Variants in NT5DC1 observed in about 807,000 individuals in gnomAD.
NT5DC1 encodes the protein 5'-nucleotidase domain containing 1, also known as 5'-nucleotidase domain-containing protein 1.
Under a neutral mutation model 59.4 loss-of-function variants are expected in NT5DC1, and 42 were observed. The ratio of observed to expected loss-of-function variants is 0.71; its 90% CI spans 0.55 to 0.92. The LOEUF is 0.92. Among genes scored for constraint, NT5DC1 ranks in the 40% least tolerant of loss-of-function variants. The probability of loss-of-function intolerance (pLI) is 0.00; values close to 1 mark genes in which losing one functional copy is unlikely to be tolerated. For synonymous variants in NT5DC1, 172 were observed against 188.1 expected (o/e 0.91, Z 0.70); for missense variants, 501 against 537.1 (o/e 0.93, Z 0.66).
intron 4 of NT5DC1, among the ~76,000 whole-genome samples, chr6:116,114,542 G>A (rs1221455228): frequency 7.5e-6 from 1 of 133,870 alleles, no homozygotes; most frequent in Non-Finnish European, 1.6e-5. Flanking sequence ...GGGGAGGGGG[G>A]GGGAGTCAAA....
At chr6:116,159,462 A>C (rs1300681327) in intron 6 of NT5DC1, among the ~76,000 whole-genome samples, 1 of 152,148 alleles carries the variant, frequency 6.6e-6, no homozygotes, top group Non-Finnish European at 1.5e-5. Context: ...TATACCATGC[A>C]TTATAGAATG....
At chr6:116,103,609 A>G (rs1778706586) in intron 1 of NT5DC1, among the ~76,000 whole-genome samples, 2 of 152,100 alleles carry the variant, frequency 1.3e-5, no homozygotes, top group Admixed American at 6.6e-5. Flanking sequence ...AAAAGGTGGC[A>G]AGTTGCAGGA....
At position 116,117,964 on chromosome 6, in the gene NT5DC1, G is replaced by A; in HGVS notation, c.529+19G>A. 1 of 1,223,938 alleles carries A rather than the reference G, an allele frequency of 8.2e-7. No individual in the cohort carries two copies. The allele number at this position is 1,223,938 out of a possible 1,614,324, so 75.8% of individuals were successfully genotyped here. A position where few individuals can be genotyped will look rare whatever the true frequency, so the allele number is the denominator to read the frequency against. ...TTTAAGGGTAAGTATTGTGAAGAGG[G>A]GCCTTCTAATACGTGTTTGTTAAGC... On this transcript the variant is annotated intron_variant, in intron 6 of 11. Transcript: ENST00000319550.
At chr6:116,117,759 C>T in intron 5 of NT5DC1, 102 bp from the exon 6 acceptor site, 4 of 657,832 alleles carry the variant, frequency 6.1e-6, no homozygotes, top group Non-Finnish European at 1.1e-5. Context: ...GTCTAACCAT[C>T]TTAAGTCAGG....
In NT5DC1 at chr6:116,237,324, AG is replaced by A. The variant is rs200745410; in HGVS notation, c.921+241del. Reference sequence around the variant, plus strand: ...TATCCTGATAACAATCTATCCAAAAAGTTTCCATATATAAAACAAACAACTG... The same window carrying A: ...TATCCTGATAACAATCTATCCAAAAATTTCCATATATAAAACAAACAACTG... On this transcript the variant is annotated intron_variant, in intron 9 of 11. Coordinates refer to ENST00000319550, the MANE Select transcript of NT5DC1 (RefSeq NM_152729.3). 8.1e-6 allele frequency: 5 copies of A among 614,524 alleles called. No individual in the cohort carries two copies. The East Asian group carries it at 1.6e-4, about 20-fold the overall frequency. The allele number at this position is 614,524 out of a possible 1,614,324, so 38.1% of individuals were successfully genotyped here. A position where few individuals can be genotyped will look rare whatever the true frequency, so the allele number is the denominator to read the frequency against.
chr6:116,203,575 AT>A (rs201756250), intron 6 of NT5DC1, among the ~76,000 whole-genome samples: 2,187 of 152,086 alleles, frequency 0.014, 24 homozygotes, highest in Middle Eastern at 0.044. Flanking sequence ...GCTGTACAAT[AT>A]GCCATTATAT....
rs1215854914 is a variant in NT5DC1, at chr6:116,245,193, T to C, written c.*1169T>C. ...GTATGGTCATATTAGTAGCTATTTG[T>C]TGCAAGATACTTGAAGCCAAATGTT... is the stretch of plus-strand genomic sequence containing the variant. On this transcript the variant is annotated 3_prime_UTR_variant, in exon 12 of 12. Coordinates refer to ENST00000319550, the MANE Select transcript of NT5DC1 (RefSeq NM_152729.3). 4 of 152,216 alleles carry C rather than the reference T, an allele frequency of 2.6e-5. No homozygotes were observed. Among genetic ancestry groups the C allele is most frequent in the African/African-American group, 9.6e-5 (4 of 41,458 alleles). 9.4% of individuals were successfully genotyped at this position (152,216 alleles called of 1,614,324 possible). A position where few individuals can be genotyped will look rare whatever the true frequency, so the allele number is the denominator to read the frequency against.
At chr6:116,116,155 AGAAAAATCGGAT>A (rs1381067582) in intron 5 of NT5DC1, among the ~76,000 whole-genome samples, 1 of 152,246 alleles carries the variant, frequency 6.6e-6, no homozygotes, top group Non-Finnish European at 1.5e-5. Context: ...AATATAAAAT[AGAAAAATCGGAT>A]GAAATTTAAA....
intron 9 of NT5DC1, chr6:116,237,549 G>A (rs2114561162): frequency 4.4e-6 from 2 of 456,886 alleles, no homozygotes; most frequent in East Asian, 7.0e-5. Flanking sequence ...GTCTCCTGGG[G>A]ACTCCTGAGG....
At chr6:116,195,796 A>G (rs570682846) in intron 6 of NT5DC1, among the ~76,000 whole-genome samples, 5 of 152,214 alleles carry the variant, frequency 3.3e-5, no homozygotes, top group African/African-American at 1.2e-4. Flanking sequence ...TAATGTGCAC[A>G]GAACAGATGG....
intron 6 of NT5DC1, among the ~76,000 whole-genome samples, chr6:116,176,059 A>G (rs1237299537): frequency 1.3e-5 from 2 of 152,190 alleles, no homozygotes; most frequent in East Asian, 3.9e-4. Context: ...ACACCTCAAA[A>G]TGGACTTGCC....
intron 3 of NT5DC1, among the ~76,000 whole-genome samples, chr6:116,108,922 G>T (rs1023528788): frequency 2.0e-5 from 3 of 152,184 alleles, no homozygotes; most frequent in African/African-American, 7.2e-5. Flanking sequence ...CCTTTTGGAA[G>T]TTTTTCTGGA....
At chr6:116,122,818 A>AT (rs953621650) in intron 6 of NT5DC1, among the ~76,000 whole-genome samples, 15 of 151,742 alleles carry the variant, frequency 9.9e-5, no homozygotes, top group South Asian at 2.1e-4. Context: ...TCAGATTTAG[A>AT]TTTTTTTTTA....
At chr6:116,117,769 G>A in intron 5 of NT5DC1, 92 bp from the exon 6 acceptor site, 1 of 693,474 alleles carries the variant, frequency 1.4e-6, no homozygotes. Context: ...CTTAAGTCAG[G>A]GACTGTCTGC....
intron 6 of NT5DC1, among the ~76,000 whole-genome samples, chr6:116,173,943 T>TC (rs1780675392): frequency 6.6e-6 from 1 of 152,226 alleles, no homozygotes. Flanking sequence ...TTGCATTTAA[T>TC]CATCACATTC....
intron 6 of NT5DC1, among the ~76,000 whole-genome samples, chr6:116,186,537 C>T (rs946057239): frequency 2.0e-5 from 3 of 151,906 alleles, no homozygotes; most frequent in South Asian, 4.1e-4. Context: ...GGTCATTTAA[C>T]ATAATCCCAA....
chr6:116,115,682 C>CT lies in NT5DC1; in HGVS notation c.365-3dup. 2.6e-6 allele frequency: 4 copies of CT among 1,509,542 alleles called. No individual in the cohort carries two copies. Among genetic ancestry groups the CT allele is most frequent in the Non-Finnish European group, 3.7e-6 (4 of 1,085,586 alleles). 93.5% of individuals were successfully genotyped at this position (1,509,542 alleles called of 1,614,324 possible). A position where few individuals can be genotyped will look rare whatever the true frequency, so the allele number is the denominator to read the frequency against. On this transcript the variant is annotated splice_polypyrimidine_tract_variant and intron_variant, in intron 4 of 11. Coordinates refer to ENST00000319550, the MANE Select transcript of NT5DC1 (RefSeq NM_152729.3). ...GTTGTTCCCAGTTTAAAATTTTGTT[C>CT]TTTTTTAGGAAAGTATTACTTTTAC...
chr6:116,121,724 G>C (rs1779135274), intron 6 of NT5DC1: 1 of 1,613,938 alleles, frequency 6.2e-7, no homozygotes, highest in Non-Finnish European at 8.5e-7. Flanking sequence ...TAGGCCAGCT[G>C]GTCCAACATC....
chr6:116,163,752 C>G (rs916013502), intron 6 of NT5DC1, among the ~76,000 whole-genome samples: 20 of 152,094 alleles, frequency 1.3e-4, no homozygotes, highest in Non-Finnish European at 4.4e-5. Context: ...GAATTTAGTA[C>G]TATGAACTTT....
Sources: gnomAD v4.1 joint callset for allele counts (sites outside exome capture counted in the v4.1 genomes callset) on GRCh38, gnomAD v4.1.1 for gene constraint, MANE v1.5 for transcripts, NCBI Gene and HGNC (gene_info 2026-07-23, HGNC 2026-07-21) for gene names.